The following GPR176 variants were observed in gnomAD, a reference collection of about 807,000 sequenced individuals.
GPR176 encodes the protein G-protein coupled receptor 176.
In GPR176, 26 loss-of-function variants were observed where a neutral mutation model predicts 35.4. That is an observed-to-expected ratio of 0.74 (90% CI 0.54 to 1.02). The LOEUF (loss-of-function observed/expected upper bound fraction) is 1.02, where lower values mean the gene tolerates loss of function less well. Ranked by LOEUF, GPR176 falls within the 50% of genes least tolerant of loss-of-function variation. The pLI is 0.00. For missense variants in GPR176, 597 were observed against 665.3 expected, an observed-to-expected ratio of 0.90 and a Z score of 1.13; for synonymous variants, 278 against 271.3, an observed-to-expected ratio of 1.02 and a Z score of -0.24.
rs1595447761 is a variant in GPR176 at position 39,820,249 on chromosome 15, G to A, written c.173-12991C>T. 2.0e-5 allele frequency among the ~76,000 whole-genome samples: 3 copies of A among 152,296 alleles called. 1 individual carries two copies. ...AGCTGGGGGTAGCCAGATCCAGGAC[G>A]AGGCAGGAGATAGCTGGCCAAGACA... On this transcript the variant is annotated intron_variant, in intron 1 of 2. Transcript: ENST00000561100.
intron 1 of GPR176, among the ~76,000 whole-genome samples, chr15:39,908,481 T>C (rs926389594): frequency 6.6e-6 from 1 of 152,176 alleles, no homozygotes; most frequent in Admixed American, 6.5e-5. Context: ...AAATACTATA[T>C]GTTATCAGTC....
intron 1 of GPR176, among the ~76,000 whole-genome samples, chr15:39,839,872 GA>G (rs564722568): frequency 6.6e-6 from 1 of 152,052 alleles, no homozygotes; most frequent in Non-Finnish European, 1.5e-5. Flanking sequence ...ACAAACATAT[GA>G]AAAAAAGCTC....
At chr15:39,871,661 C>T (rs1271480489) in intron 1 of GPR176, among the ~76,000 whole-genome samples, 2 of 152,128 alleles carry the variant, frequency 1.3e-5, no homozygotes, top group Non-Finnish European at 2.9e-5. Flanking sequence ...AGTTCCTCAC[C>T]GCTGTATGGC....
intron 1 of GPR176, among the ~76,000 whole-genome samples, chr15:39,916,413 T>C (rs953155566): frequency 2.0e-5 from 3 of 152,254 alleles, no homozygotes; most frequent in African/African-American, 4.8e-5. Flanking sequence ...AATAATATTA[T>C]GTACAAGCCT....
chr15:39,869,975 C>G (rs79463607), intron 1 of GPR176, among the ~76,000 whole-genome samples: 164 of 152,316 alleles, frequency 1.1e-3, no homozygotes, highest in African/African-American at 3.8e-3. Flanking sequence ...CATTTATTCT[C>G]TAACAGTTCT....
chr15:39,874,638 C>T (rs1288893888), intron 1 of GPR176, among the ~76,000 whole-genome samples: 1 of 152,210 alleles, frequency 6.6e-6, no homozygotes, highest in Non-Finnish European at 1.5e-5. Flanking sequence ...CTTTTATCAT[C>T]TTTACTTTCT....
intron 1 of GPR176, among the ~76,000 whole-genome samples, chr15:39,904,439 G>A (rs905504189): frequency 6.6e-6 from 1 of 152,112 alleles, no homozygotes; most frequent in Non-Finnish European, 1.5e-5. Flanking sequence ...TAGTCAAGAG[G>A]TATAAGACTC....
chr15:39,859,262 G>C lies in GPR176; in HGVS notation c.173-52004C>G, dbSNP rs2031438394. On this transcript the variant is annotated intron_variant, in intron 1 of 2. Coordinates refer to ENST00000561100, the MANE Select transcript of GPR176 (RefSeq NM_007223.3). ...TATCTGAGGAAAAAGTAACATGTAT[G>C]TATATATGTTATATGTATATCCAGA... Among the ~76,000 whole-genome samples the C allele has an allele frequency of 1.3e-5, 2 of 151,950 alleles. 1 individual carries two copies. The highest frequency in any genetic ancestry group is 1.3e-4 in the Admixed American group (2 of 15,274).
At chr15:39,896,356 G>A (rs2033113470) in intron 1 of GPR176, among the ~76,000 whole-genome samples, 1 of 152,218 alleles carries the variant, frequency 6.6e-6, no homozygotes, top group Non-Finnish European at 1.5e-5. Flanking sequence ...GATTAAAGGT[G>A]AAAGCTAACC....
intron 1 of GPR176, among the ~76,000 whole-genome samples, chr15:39,820,002 A>G (rs760716067): frequency 6.6e-6 from 1 of 152,230 alleles, no homozygotes; most frequent in African/African-American, 2.4e-5. Flanking sequence ...AGGCAGGAGA[A>G]AAAGGAGAGG....
At chr15:39,807,428 T>C in intron 1 of GPR176, 170 bp from the exon 2 acceptor site, 3 of 756,808 alleles carry the variant, frequency 4.0e-6, no homozygotes, top group Non-Finnish European at 5.9e-6. Flanking sequence ...TTACAGTCAA[T>C]TTATGTGAAA....
intron 1 of GPR176, among the ~76,000 whole-genome samples, chr15:39,888,927 T>C (rs867510027): frequency 2.1e-4 from 32 of 152,302 alleles, no homozygotes; most frequent in Middle Eastern, 3.4e-3. Flanking sequence ...ACTCTTATCA[T>C]CCCTGCTCTC....
chr15:39,855,117 T>C (rs562741907), intron 1 of GPR176, among the ~76,000 whole-genome samples: 1 of 152,176 alleles, frequency 6.6e-6, no homozygotes, highest in East Asian at 1.9e-4. Context: ...AAGGGTCTTA[T>C]TATGCCAACT....
At chr15:39,843,815 G>C (rs1751827978) in intron 1 of GPR176, among the ~76,000 whole-genome samples, 1 of 152,096 alleles carries the variant, frequency 6.6e-6, no homozygotes, top group South Asian at 2.1e-4. Context: ...TCAGAATGCA[G>C]GCAACAAGTG....
intron 1 of GPR176, among the ~76,000 whole-genome samples, chr15:39,852,923 G>A (rs2030970044): frequency 6.6e-6 from 1 of 152,064 alleles, no homozygotes; most frequent in Non-Finnish European, 1.5e-5. Context: ...AAAATAACAA[G>A]GTGAGGATGT....
chr15:39,867,606 C>T (rs1865752), intron 1 of GPR176, among the ~76,000 whole-genome samples: 40,749 of 151,814 alleles, frequency 0.27, 6,075 homozygotes, highest in Non-Finnish European at 0.34. Context: ...TCAGCAGATG[C>T]GGGGTGGGGA....
chr15:39,816,542 A>G (rs1229129056), intron 1 of GPR176, among the ~76,000 whole-genome samples: 1 of 152,254 alleles, frequency 6.6e-6, no homozygotes, highest in African/African-American at 2.4e-5. Flanking sequence ...CAAAAAAGAT[A>G]TCAATGACCT....
chr15:39,912,153 T>C (rs1276534708), intron 1 of GPR176, among the ~76,000 whole-genome samples: 1 of 152,240 alleles, frequency 6.6e-6, no homozygotes, highest in East Asian at 1.9e-4. Flanking sequence ...GAGTTGATTT[T>C]TTTAAGATAA....
At chr15:39,860,742 T>C (rs1411581745) in intron 1 of GPR176, 1 of 152,256 alleles carries the variant, frequency 6.6e-6, no homozygotes, top group African/African-American at 2.4e-5. Flanking sequence ...CTCCGAGTCA[T>C]GAAGAGCCTG....
Sources: allele counts gnomAD v4.1 joint callset (sites outside exome capture counted in the v4.1 genomes callset), GRCh38; gene constraint gnomAD v4.1.1; transcripts MANE v1.5; gene names NCBI Gene and HGNC (gene_info 2026-07-23, HGNC 2026-07-21).